Variants in PIK3R5 observed in about 807,000 individuals in gnomAD.
PIK3R5 encodes phosphoinositide-3-kinase regulatory subunit 5.
PIK3R5 carries 32 observed loss-of-function variants against 94.9 expected under a neutral mutation model. The ratio of observed to expected loss-of-function variants is 0.34; its 90% CI spans 0.25 to 0.45. The LOEUF is 0.45. PIK3R5 is among the 20% of genes least tolerant of loss of function. The pLI is 1.00. For synonymous variants in PIK3R5, 443 were observed against 479.4 expected (o/e 0.92, Z 0.99); for missense variants, 853 against 1,144.6 (o/e 0.75, Z 3.68).
rs1363527409 is a variant in PIK3R5 at position 8,911,616 on chromosome 17, G to A, written c.-13-109C>T. 1 of 686,586 alleles carries A rather than the reference G, an allele frequency of 1.5e-6. No homozygotes were observed. Among genetic ancestry groups the A allele is most frequent in the Non-Finnish European group, 2.5e-6 (1 of 406,088 alleles). 42.5% of individuals were successfully genotyped at this position (686,586 alleles called of 1,614,324 possible). The stretch of plus-strand genomic sequence containing the variant: ...AGTGCAGCGCGATCAGCCCAGCCCA[G>A]CTATAGCTCAGGTGCTGTGGAAACA... On this transcript the variant is annotated intron_variant, in intron 1 of 18. Coordinates refer to ENST00000447110, the MANE Select transcript of PIK3R5 (RefSeq NM_001142633.3). The surrounding 1 kb of genome is among the most constrained non-coding windows in gnomAD (Gnocchi z 5.3).
At chr17:8,941,158 C>G (rs1264632909) in intron 1 of PIK3R5, among the ~76,000 whole-genome samples, 1 of 152,168 alleles carries the variant, frequency 6.6e-6, no homozygotes, top group Non-Finnish European at 1.5e-5. Context: ...CACTTTGCTT[C>G]CTGTCTAACC....
At position 8,890,943 on chromosome 17, in the gene PIK3R5, C is replaced by G. The variant is rs1377397492; in HGVS notation, c.483-31G>C. The G allele has an allele frequency of 6.2e-7, 1 of 1,602,164 alleles. No individual in the cohort carries two copies. The highest frequency in any genetic ancestry group is 1.7e-5 in the Admixed American group (1 of 58,930). On this transcript the variant is annotated intron_variant, in intron 6 of 18. Coordinates refer to ENST00000447110, the MANE Select transcript of PIK3R5 (RefSeq NM_001142633.3). This position sits in a 1 kb window ranked among gnomAD's most constrained non-coding sequence, Gnocchi z 6.1. ...GACACAGGGGACCGGCTATGGCACC[C>G]AGGGGTGCGCAGCATGCCACAGTGC...
chr17:8,881,393 C>T lies in PIK3R5; in HGVS notation c.2382+237G>A, dbSNP rs2089652826. ...CGCGTCCTCTCACAGGGCACCCCTA[C>T]CTCCCCGACACCCCGCAACACTCCA... On this transcript the variant is annotated intron_variant, in intron 17 of 18. Coordinates refer to ENST00000447110, the MANE Select transcript of PIK3R5 (RefSeq NM_001142633.3). The surrounding 1 kb of genome is among the most constrained non-coding windows in gnomAD (Gnocchi z 4.8). 6.6e-6 allele frequency among the ~76,000 whole-genome samples: 1 copy of T among 152,080 alleles called. No homozygotes were observed. The highest frequency in any genetic ancestry group is 1.5e-5 in the Non-Finnish European group (1 of 68,006).
chr17:8,953,843 G>A (rs1484727545), intron 1 of PIK3R5, among the ~76,000 whole-genome samples: 1 of 152,166 alleles, frequency 6.6e-6, no homozygotes, highest in Non-Finnish European at 1.5e-5. Context: ...CATGGCAATG[G>A]TTCCAGGTTG....
chr17:8,952,420 A>C (rs976782705), intron 1 of PIK3R5, among the ~76,000 whole-genome samples: 1 of 152,220 alleles, frequency 6.6e-6, no homozygotes, highest in African/African-American at 2.4e-5. Context: ...GTATACCCAA[A>C]ATTTCCTTGA....
chr17:8,946,159 G>C (rs925665365), intron 1 of PIK3R5, among the ~76,000 whole-genome samples: 1 of 77,098 alleles, frequency 1.3e-5, no homozygotes, highest in Non-Finnish European at 2.9e-5. Flanking sequence ...GGATAGGTAG[G>C]TAGTTACACA....
intron 1 of PIK3R5, among the ~76,000 whole-genome samples, chr17:8,949,814 C>A (rs961348254): frequency 6.6e-6 from 1 of 152,100 alleles, no homozygotes; most frequent in African/African-American, 2.4e-5. Flanking sequence ...TTAGGTACAA[C>A]GTACACTGCA....
chr17:8,889,905 C>T lies in PIK3R5; in HGVS notation c.811+68G>A, dbSNP rs1009107824. On this transcript the variant is annotated intron_variant, in intron 8 of 18. Coordinates refer to ENST00000447110, the MANE Select transcript of PIK3R5 (RefSeq NM_001142633.3). The surrounding 1 kb of genome is among the most constrained non-coding windows in gnomAD (Gnocchi z 4.1). ...GCAGAGCCACCAGGCCCGCCTGGAC[C>T]GTGCACCTTGGGACCTAGAATAGGC... is the stretch of plus-strand genomic sequence containing the variant. The T allele has an allele frequency of 9.1e-5, 143 of 1,564,368 alleles. No individual in the cohort carries two copies. Among genetic ancestry groups the T allele is most frequent in the Middle Eastern group, 8.3e-4 (4 of 4,820 alleles).
intron 1 of PIK3R5, among the ~76,000 whole-genome samples, chr17:8,928,711 T>G (rs542763512): frequency 1.2e-4 from 18 of 152,204 alleles, no homozygotes; most frequent in Non-Finnish European, 2.1e-4. Flanking sequence ...GGAGAAAAAC[T>G]GAAATAATTT....
At chr17:8,915,005 C>T (rs533793429) in intron 1 of PIK3R5, among the ~76,000 whole-genome samples, 1 of 152,350 alleles carries the variant, frequency 6.6e-6, no homozygotes, top group South Asian at 2.1e-4. Context: ...ATGGCAAAGC[C>T]AGGGTATAAA....
chr17:8,890,489 C>T lies in PIK3R5; in HGVS notation c.657+249G>A, dbSNP rs61759653. 0.016 allele frequency among the ~76,000 whole-genome samples: 2,443 copies of T among 152,342 alleles called. 67 individuals carry two copies. Among genetic ancestry groups the T allele is most frequent in the African/African-American group, 0.055 (2,299 of 41,566 alleles). ...CCAAAGCTCATTCTCGTTCTTATGGCATATGCCATCTTCTGAGGCACCAGT... is the reference window on the plus strand; with the variant it reads ...CCAAAGCTCATTCTCGTTCTTATGGTATATGCCATCTTCTGAGGCACCAGT... On this transcript the variant is annotated intron_variant, in intron 7 of 18. Coordinates refer to ENST00000447110, the MANE Select transcript of PIK3R5 (RefSeq NM_001142633.3). This position sits in a 1 kb window ranked among gnomAD's most constrained non-coding sequence, Gnocchi z 6.1.
At chr17:8,924,409 C>A (rs923826227) in intron 1 of PIK3R5, among the ~76,000 whole-genome samples, 1 of 152,158 alleles carries the variant, frequency 6.6e-6, no homozygotes, top group East Asian at 1.9e-4. Flanking sequence ...CAGGTAGAAT[C>A]ATTTCTAGTT....
At chr17:8,937,226 G>T (rs1223771752) in intron 1 of PIK3R5, among the ~76,000 whole-genome samples, 1 of 152,142 alleles carries the variant, frequency 6.6e-6, no homozygotes, top group African/African-American at 2.4e-5. Flanking sequence ...TTCCCAATCT[G>T]TATACCTTTC....
intron 1 of PIK3R5, among the ~76,000 whole-genome samples, chr17:8,953,798 G>C (rs1341651670): frequency 6.6e-6 from 1 of 152,192 alleles, no homozygotes; most frequent in African/African-American, 2.4e-5. Context: ...GAGACAACAA[G>C]GGCTCTGGAC....
At chr17:8,939,815 T>G (rs1740417282) in intron 1 of PIK3R5, among the ~76,000 whole-genome samples, 1 of 152,202 alleles carries the variant, frequency 6.6e-6, no homozygotes, top group African/African-American at 2.4e-5. Context: ...TCCCAGGGAC[T>G]GTCATTGCCT....
intron 3 of PIK3R5, among the ~76,000 whole-genome samples, chr17:8,908,201 C>G (rs1470828410): frequency 6.6e-6 from 1 of 152,174 alleles, no homozygotes; most frequent in African/African-American, 2.4e-5. Flanking sequence ...CATGTCTTCT[C>G]TGCTAGATGA....
In PIK3R5 at chr17:8,881,545, G is replaced by T; in HGVS notation, c.2382+85C>A. 1 of 1,037,422 alleles carries T rather than the reference G, an allele frequency of 9.6e-7. No homozygotes were observed. Among genetic ancestry groups the T allele is most frequent in the Non-Finnish European group, 1.5e-6 (1 of 676,246 alleles). The allele number at this position is 1,037,422 out of a possible 1,614,324, so 64.3% of individuals were successfully genotyped here. On this transcript the variant is annotated intron_variant, in intron 17 of 18. Coordinates refer to ENST00000447110, the MANE Select transcript of PIK3R5 (RefSeq NM_001142633.3). This position sits in a 1 kb window ranked among gnomAD's most constrained non-coding sequence, Gnocchi z 4.8. ...TGTGCACACATGCACACACATACAT[G>T]TGCACACACACGTACACACATACGC...
At chr17:8,930,744 T>C (rs2090973352) in intron 1 of PIK3R5, among the ~76,000 whole-genome samples, 1 of 152,152 alleles carries the variant, frequency 6.6e-6, no homozygotes, top group African/African-American at 2.4e-5. Flanking sequence ...TTCCGGAAAA[T>C]TATGCTGAAT....
At chr17:8,924,890 G>A (rs530801252) in intron 1 of PIK3R5, among the ~76,000 whole-genome samples, 118 of 152,276 alleles carry the variant, frequency 7.7e-4, no homozygotes, top group African/African-American at 2.5e-3. Context: ...CAAGAGTCCC[G>A]TTTAGCCCAG....
Sources: allele counts gnomAD v4.1 joint callset (sites outside exome capture counted in the v4.1 genomes callset), GRCh38; gene constraint gnomAD v4.1.1; non-coding constraint Gnocchi (gnomAD v3.1); transcripts MANE v1.5; gene names NCBI Gene and HGNC (gene_info 2026-07-23, HGNC 2026-07-21).